The following MICAL2 variants were observed in gnomAD, a reference collection of about 807,000 sequenced individuals.
The protein encoded by MICAL2 is microtubule associated monooxygenase, calponin and LIM domain containing 2.
A neutral mutation model predicts 127.3 loss-of-function variants in MICAL2; 77 were observed. That is an observed-to-expected ratio of 0.60 (90% CI 0.50 to 0.73). The LOEUF is 0.73. MICAL2 is among the 30% of genes least tolerant of loss of function. MICAL2 has a pLI of 0.00. For synonymous variants in MICAL2, 570 were observed against 551.1 expected (o/e 1.03, Z -0.48); for missense variants, 1,351 against 1,434.4 (o/e 0.94, Z 0.94).
At chr11:12,245,438 C>A (rs1860601401) in intron 21 of MICAL2, among the ~76,000 whole-genome samples, 1 of 152,204 alleles carries the variant, frequency 6.6e-6, no homozygotes, top group African/African-American at 2.4e-5. Flanking sequence ...CTGTTGGCCT[C>A]CACCTCTGTG....
intron 32 of MICAL2, among the ~76,000 whole-genome samples, chr11:12,334,562 A>T (rs142691709): frequency 6.6e-6 from 1 of 150,468 alleles, no homozygotes; most frequent in Non-Finnish European, 1.5e-5. Flanking sequence ...TAACTCGTCA[A>T]TTAGCATTAG....
upstream of MICAL2, among the ~76,000 whole-genome samples, chr11:12,274,004 A>G (rs1322473808): frequency 6.6e-6 from 1 of 152,160 alleles, no homozygotes. Flanking sequence ...TTGGCTAAGA[A>G]GGAAGAAGAA....
At chr11:12,164,782 T>C (rs1855272352) in intron 3 of MICAL2, among the ~76,000 whole-genome samples, 1 of 152,108 alleles carries the variant, frequency 6.6e-6, no homozygotes, top group South Asian at 2.1e-4. Context: ...AAGCATCACA[T>C]GATTGATGTG....
chr11:12,287,991 G>T (rs1000860431), downstream of MICAL2, among the ~76,000 whole-genome samples: 1 of 152,114 alleles, frequency 6.6e-6, no homozygotes, highest in African/African-American at 2.4e-5. Flanking sequence ...AAGAAACGTT[G>T]TTGCAGTTGG....
intron 16 of MICAL2, among the ~76,000 whole-genome samples, chr11:12,236,853 C>CA (rs1484025419): frequency 1.3e-5 from 2 of 152,096 alleles, no homozygotes; most frequent in African/African-American, 2.4e-5. Flanking sequence ...ACACGTCATT[C>CA]AAAAAAAGCC....
At chr11:12,343,267 G>C (rs554203182) in intron 32 of MICAL2, among the ~76,000 whole-genome samples, 126 of 152,042 alleles carry the variant, frequency 8.3e-4, no homozygotes, top group African/African-American at 2.8e-3. Flanking sequence ...AATTAGCCAG[G>C]CATGGTGGCA....
intron 3 of MICAL2, among the ~76,000 whole-genome samples, chr11:12,201,691 T>C (rs12419945): frequency 1.3e-5 from 2 of 152,268 alleles, no homozygotes; most frequent in African/African-American, 4.8e-5. Context: ...TGGGGAAGTA[T>C]CCTTGTCTTT....
rs78884901 is a variant in MICAL2 at position 12,162,647 on chromosome 11, T to C, written c.264+228T>C. ...CAAGGGAGGGAAGCCAGAGGCAAAG[T>C]TGAGGGAGAGAAGCCCATGCTTGAT... On this transcript the variant is annotated intron_variant, in intron 3 of 27. Transcript: ENST00000683283. 5.8e-3 allele frequency among the ~76,000 whole-genome samples: 882 copies of C among 152,308 alleles called. 7 individuals carry two copies. The highest frequency in any genetic ancestry group is 0.021 in the African/African-American group (856 of 41,552).
chr11:12,204,560 C>T (rs1368247483), intron 4 of MICAL2, 103 bp downstream of exon 4: 2 of 1,129,214 alleles, frequency 1.8e-6, no homozygotes, highest in Non-Finnish European at 2.6e-6. Flanking sequence ...CATCTTAGTC[C>T]CTGGGGGCAC....
intron 2 of MICAL2, among the ~76,000 whole-genome samples, chr11:12,160,938 TCC>T (rs1482824609): frequency 6.6e-6 from 1 of 152,158 alleles, no homozygotes; most frequent in Non-Finnish European, 1.5e-5. Flanking sequence ...GTCCCACAAT[TCC>T]AACTTGTCCA....
chr11:12,357,565 G>A (rs760499525), intron 34 of MICAL2, among the ~76,000 whole-genome samples: 2 of 152,134 alleles, frequency 1.3e-5, no homozygotes, highest in Non-Finnish European at 2.9e-5. Flanking sequence ...CTGGCTGGGC[G>A]CTGTGGTTCA....
At position 12,222,847 on chromosome 11, in the gene MICAL2, A is replaced by G. The variant is rs535528614; in HGVS notation, c.1449+104A>G. The G allele has an allele frequency of 5.7e-5, 80 of 1,407,756 alleles. No individual in the cohort carries two copies. The African/African-American group carries it at 9.7e-4, about 17-fold the overall frequency. 87.2% of individuals were successfully genotyped at this position (1,407,756 alleles called of 1,614,324 possible). On this transcript the variant is annotated intron_variant, in intron 11 of 27. Coordinates refer to ENST00000683283, the MANE Select transcript of MICAL2 (RefSeq NM_001282663.2). ...AAATTTTGGTCCATTCCTGGGACTA[A>G]GGCCACCAAGGCCTGCTGGCCTAAT... is the stretch of plus-strand genomic sequence containing the variant.
chr11:12,114,241 T>C (rs1849822827), intron 1 of MICAL2, among the ~76,000 whole-genome samples: 1 of 152,250 alleles, frequency 6.6e-6, no homozygotes, highest in Non-Finnish European at 1.5e-5. Flanking sequence ...ATGTCTAATG[T>C]CATGTCATTT....
intron 3 of MICAL2, among the ~76,000 whole-genome samples, chr11:12,178,785 G>C (rs1590205830): frequency 6.6e-6 from 1 of 150,956 alleles, no homozygotes; most frequent in East Asian, 1.9e-4. Flanking sequence ...GCAGTGGCAT[G>C]ATCACAGCTC....
At chr11:12,333,045 C>G (rs981326793) in intron 32 of MICAL2, among the ~76,000 whole-genome samples, 30 of 152,112 alleles carry the variant, frequency 2.0e-4, no homozygotes, top group Admixed American at 2.0e-3. Flanking sequence ...GGCCTCATTG[C>G]AAGCCAAATA....
At chr11:12,171,348 C>T (rs1364705843) in intron 3 of MICAL2, among the ~76,000 whole-genome samples, 1 of 152,200 alleles carries the variant, frequency 6.6e-6, no homozygotes, top group Non-Finnish European at 1.5e-5. Context: ...GAAAGGAAAC[C>T]ATGAAGCAGT....
intron 2 of MICAL2, among the ~76,000 whole-genome samples, chr11:12,283,723 G>A (rs1281396842): frequency 2.0e-5 from 3 of 152,172 alleles, no homozygotes; most frequent in African/African-American, 7.2e-5. Flanking sequence ...TTTATATTAT[G>A]TATATTATTT....
At chr11:12,179,376 T>G (rs1857182360) in intron 3 of MICAL2, among the ~76,000 whole-genome samples, 1 of 152,038 alleles carries the variant, frequency 6.6e-6, no homozygotes, top group Non-Finnish European at 1.5e-5. Flanking sequence ...CTCGTACCTC[T>G]CACCTTCTCC....
At chr11:12,344,325 G>C (rs921421721) in intron 32 of MICAL2, among the ~76,000 whole-genome samples, 1 of 151,632 alleles carries the variant, frequency 6.6e-6, no homozygotes, top group Non-Finnish European at 1.5e-5. Flanking sequence ...AAAAACAAAA[G>C]AAAAGAAATA....
Sources: allele counts gnomAD v4.1 joint callset (sites outside exome capture counted in the v4.1 genomes callset), GRCh38; gene constraint gnomAD v4.1.1; transcripts MANE v1.5; gene names NCBI Gene and HGNC (gene_info 2026-07-23, HGNC 2026-07-21).